FBXL7: variants seen among roughly 807,000 people sequenced by gnomAD.
FBXL7 encodes the protein F-box and leucine rich repeat protein 7.
Under a neutral mutation model 38.3 loss-of-function variants are expected in FBXL7, and 12 were observed. That is an observed-to-expected ratio of 0.31 (90% CI 0.20 to 0.51). The LOEUF (loss-of-function observed/expected upper bound fraction) is 0.51. FBXL7 is among the 20% of genes least tolerant of loss of function. The pLI, the probability that FBXL7 is intolerant of heterozygous loss-of-function variation, is 0.98. For synonymous variants in FBXL7, 297 were observed against 300.9 expected, an observed-to-expected ratio of 0.99 and a Z score of 0.13; for missense variants, 567 against 676.4, an observed-to-expected ratio of 0.84 and a Z score of 1.79.
intron 2 of FBXL7, among the ~76,000 whole-genome samples, chr5:15,746,980 C>G (rs974387191): frequency 2.0e-5 from 3 of 152,146 alleles, no homozygotes; most frequent in African/African-American, 4.8e-5. Context: ...CTGTACTTAT[C>G]TTGCTATGGA....
At chr5:15,752,307 A>G (rs1399126387) in intron 2 of FBXL7, among the ~76,000 whole-genome samples, 1 of 128,778 alleles carries the variant, frequency 7.8e-6, no homozygotes. Context: ...AAGGGGTTAG[A>G]GGCTTTTGAA....
chr5:15,894,862 GT>G (rs564603208), intron 2 of FBXL7, among the ~76,000 whole-genome samples: 67 of 151,364 alleles, frequency 4.4e-4, no homozygotes, highest in Admixed American at 7.9e-4. Flanking sequence ...TTTTTTTAAG[GT>G]TTTTTTTTCT....
At position 15,936,983 on chromosome 5, in the gene FBXL7, C is replaced by A; in HGVS notation, c.1273C>A (p.Leu425Met). ...CGACACGGGCCTGGAGTGCCTGGCC[C>A]TGAACTGCTTCAACCTCAAGCGGCT... ...VSDTGLECLALNCFNLKRLSL... is the reference protein window; with the variant it reads ...VSDTGLECLAMNCFNLKRLSL... Residue 425 changes from leucine to methionine, a missense_variant, in exon 4 of 4, where the codon CTG becomes ATG. Transcript: ENST00000504595. This position sits in a 1 kb window ranked among gnomAD's most constrained non-coding sequence, Gnocchi z 6.0. The A allele has an allele frequency of 6.2e-7, 1 of 1,614,042 alleles. No individual in the cohort carries two copies. The highest frequency in any genetic ancestry group is 8.5e-7 in the Non-Finnish European group (1 of 1,179,906).
At chr5:15,586,845 C>T (rs889752473) in intron 1 of FBXL7, among the ~76,000 whole-genome samples, 9 of 152,046 alleles carry the variant, frequency 5.9e-5, no homozygotes, top group African/African-American at 1.2e-4. Flanking sequence ...GAATAGAGAC[C>T]GTTTAAATTT....
chr5:15,591,466 G>C (rs928707897), intron 1 of FBXL7, among the ~76,000 whole-genome samples: 1 of 151,872 alleles, frequency 6.6e-6, no homozygotes, highest in African/African-American at 2.4e-5. Flanking sequence ...TTACCATGGG[G>C]CTAGGCATTC....
chr5:15,570,948 A>G (rs1158405520), intron 1 of FBXL7, among the ~76,000 whole-genome samples: 1 of 152,006 alleles, frequency 6.6e-6, no homozygotes, highest in Admixed American at 6.6e-5. Flanking sequence ...CAAAATTAGC[A>G]GGGTGTGGTG....
At position 15,928,033 on chromosome 5, in the gene FBXL7, C is replaced by T; in HGVS notation, c.271C>T (p.Pro91Ser). 3.8e-6 allele frequency: 2 copies of T among 520,978 alleles called. No individual in the cohort carries two copies. Among genetic ancestry groups the T allele is most frequent in the East Asian group, 5.4e-5 (1 of 18,580 alleles). The allele number at this position is 520,978 out of a possible 1,614,324, so 32.3% of individuals were successfully genotyped here. A position where few individuals can be genotyped will look rare whatever the true frequency, so the allele number is the denominator to read the frequency against. The part of the protein sequence containing the change: ...TGETVAMVHS[P>S]PPTRLTHPLI... ...GGAGACGGTGGCCATGGTGCACTCCCCGCCCCCGACCCGCCTCACACACCC... is the reference window on the plus strand; with the variant it reads ...GGAGACGGTGGCCATGGTGCACTCCTCGCCCCCGACCCGCCTCACACACCC... The change falls in exon 3 of 4, where the codon CCG becomes TCG. Residue 91 changes from proline (P) to serine (S), a missense_variant. By Grantham distance (74) the Pro-to-Ser change is moderately conservative. Transcript: ENST00000504595. The surrounding 1 kb of genome is among the most constrained non-coding windows in gnomAD (Gnocchi z 4.0).
At chr5:15,854,112 A>G (rs533410044) in intron 2 of FBXL7, among the ~76,000 whole-genome samples, 25 of 152,302 alleles carry the variant, frequency 1.6e-4, no homozygotes, top group African/African-American at 5.5e-4. Flanking sequence ...AGAAATGGTT[A>G]TGTTACCAGA....
chr5:15,570,961 A>C (rs912717401), intron 1 of FBXL7, among the ~76,000 whole-genome samples: 1 of 151,990 alleles, frequency 6.6e-6, no homozygotes, highest in South Asian at 2.1e-4. Flanking sequence ...GTGTGGTGGC[A>C]CATGCCTGTA....
At chr5:15,647,730 A>T (rs1741576098) in intron 2 of FBXL7, among the ~76,000 whole-genome samples, 2 of 152,206 alleles carry the variant, frequency 1.3e-5, no homozygotes, top group South Asian at 4.1e-4. Flanking sequence ...ATTAACATTT[A>T]TTGGAGTATT....
chr5:15,840,964 C>A (rs1738731858), intron 2 of FBXL7, among the ~76,000 whole-genome samples: 2 of 151,722 alleles, frequency 1.3e-5, no homozygotes, highest in African/African-American at 4.8e-5. Flanking sequence ...CTTTTTATCA[C>A]ACTTACTAGT....
rs146925744 is a variant in FBXL7, at chr5:15,677,167, C to T, written c.127+61095C>T. Among the ~76,000 whole-genome samples, 352 of 152,300 alleles carry T rather than the reference C, an allele frequency of 2.3e-3. 2 individuals carry two copies. The highest frequency in any genetic ancestry group is 0.01 in the Middle Eastern group (3 of 294). ...AGAGAAGTAGTTATGAAATTTAATTCCTGTCTTCAAGAAATTTCTAGGCTG... is the reference window on the plus strand; with the variant it reads ...AGAGAAGTAGTTATGAAATTTAATTTCTGTCTTCAAGAAATTTCTAGGCTG... On this transcript the variant is annotated intron_variant, in intron 2 of 3. Coordinates refer to ENST00000504595, the MANE Select transcript of FBXL7 (RefSeq NM_012304.5).
chr5:15,681,110 T>A (rs1475225423), intron 2 of FBXL7, among the ~76,000 whole-genome samples: 1 of 152,108 alleles, frequency 6.6e-6, no homozygotes, highest in Non-Finnish European at 1.5e-5. Flanking sequence ...ACATGACAGA[T>A]CTGGTAGGTA....
chr5:15,812,408 T>A (rs1288106337), intron 2 of FBXL7, among the ~76,000 whole-genome samples: 1 of 152,104 alleles, frequency 6.6e-6, no homozygotes, highest in Non-Finnish European at 1.5e-5. Context: ...AAAACCTAGA[T>A]GATGGGTTGA....
At chr5:15,856,267 C>T (rs1025031553) in intron 2 of FBXL7, among the ~76,000 whole-genome samples, 5 of 152,028 alleles carry the variant, frequency 3.3e-5, no homozygotes, top group African/African-American at 9.7e-5. Context: ...AAACCGACCC[C>T]ATGATTCAAA....
chr5:15,779,376 A>G (rs1255625578), intron 2 of FBXL7, among the ~76,000 whole-genome samples: 1 of 152,202 alleles, frequency 6.6e-6, no homozygotes, highest in Admixed American at 6.6e-5. Flanking sequence ...AAATGTTTGA[A>G]GTAATGACTA....
At chr5:15,688,102 A>G (rs960647582) in intron 2 of FBXL7, among the ~76,000 whole-genome samples, 8 of 152,220 alleles carry the variant, frequency 5.3e-5, no homozygotes, top group East Asian at 3.9e-4. Flanking sequence ...ACATTTTAAT[A>G]TAATTTACTT....
chr5:15,925,817 A>G (rs745642612), intron 2 of FBXL7, among the ~76,000 whole-genome samples: 1 of 152,208 alleles, frequency 6.6e-6, no homozygotes, highest in Non-Finnish European at 1.5e-5. Flanking sequence ...TGATTTTACT[A>G]TGGCTTAAAT....
At chr5:15,604,580 C>G (rs1233389941) in intron 1 of FBXL7, among the ~76,000 whole-genome samples, 1 of 152,154 alleles carries the variant, frequency 6.6e-6, no homozygotes, top group Non-Finnish European at 1.5e-5. Flanking sequence ...ATCTCAAACT[C>G]CTGACCTCAA....
Sources: allele counts gnomAD v4.1 joint callset (sites outside exome capture counted in the v4.1 genomes callset), GRCh38; gene constraint gnomAD v4.1.1; non-coding constraint Gnocchi (gnomAD v3.1); transcripts MANE v1.5; gene names NCBI Gene and HGNC (gene_info 2026-07-23, HGNC 2026-07-21).